Variants in TMEM135 observed in about 807,000 individuals in gnomAD.
TMEM135 encodes the protein peroxisomal membrane protein 52.
Under a neutral mutation model 60.3 loss-of-function variants are expected in TMEM135, and 30 were observed. That is an observed-to-expected ratio of 0.50 (90% CI 0.37 to 0.68). TMEM135 has a LOEUF of 0.68. Ranked by LOEUF, TMEM135 falls within the 30% of genes least tolerant of loss-of-function variation. TMEM135 has a pLI of 0.00. For missense variants in TMEM135, 468 were observed against 548.8 expected, an observed-to-expected ratio of 0.85 and a Z score of 1.47; for synonymous variants, 190 against 186.7, an observed-to-expected ratio of 1.02 and a Z score of -0.14.
intron 4 of TMEM135, among the ~76,000 whole-genome samples, chr11:87,133,539 T>G (rs899284492): frequency 2.6e-5 from 4 of 152,228 alleles, no homozygotes; most frequent in African/African-American, 7.2e-5. Flanking sequence ...AAAACCAGTT[T>G]ATTGAGGTAT....
In TMEM135 at chr11:87,241,587, T is replaced by G. The variant is rs573582180; in HGVS notation, c.509+4903T>G. Among the ~76,000 whole-genome samples the G allele has an allele frequency of 4.6e-5, 7 of 152,224 alleles. No homozygotes were observed. In the South Asian group the frequency reaches 8.3e-4, roughly 18 times the overall value. ...GTAGTCACCCTGTTGTGCTATCAAATAGTAGTTCTTATTCTTTGTATCTAA... is the reference window on the plus strand; with the variant it reads ...GTAGTCACCCTGTTGTGCTATCAAAGAGTAGTTCTTATTCTTTGTATCTAA... On this transcript the variant is annotated intron_variant, in intron 6 of 14. Transcript: ENST00000305494.
chr11:87,267,707 T>C (rs1487169200), intron 6 of TMEM135, among the ~76,000 whole-genome samples: 1 of 106,352 alleles, frequency 9.4e-6, no homozygotes, highest in African/African-American at 3.7e-5. Context: ...AGTATTCTTT[T>C]TTTTTGAAAT....
At position 87,324,430 on chromosome 11, in the gene TMEM135, T is replaced by A. The variant is rs1457777106; in HGVS notation, c.*3097T>A. On this transcript the variant is annotated 3_prime_UTR_variant, in exon 15 of 15. Transcript: ENST00000305494. ...TTAAATTCTCCGTGTGATTTATTTTTTTATTTTTTGAGTTGAGGTCTAGCT... is the reference window on the plus strand; with the variant it reads ...TTAAATTCTCCGTGTGATTTATTTTATTATTTTTTGAGTTGAGGTCTAGCT... 1 of 453,964 alleles carries A rather than the reference T, an allele frequency of 2.2e-6. No homozygotes were observed. Among genetic ancestry groups the A allele is most frequent in the Admixed American group, 2.3e-5 (1 of 42,554 alleles). The allele number at this position is 453,964 out of a possible 1,614,324, so 28.1% of individuals were successfully genotyped here.
At chr11:87,293,873 A>G (rs1942307681) in intron 6 of TMEM135, among the ~76,000 whole-genome samples, 1 of 152,182 alleles carries the variant, frequency 6.6e-6, no homozygotes, top group African/African-American at 2.4e-5. Flanking sequence ...TTGGGTATAT[A>G]CCCAGTAATG....
chr11:87,260,964 A>G (rs989186209), intron 6 of TMEM135, among the ~76,000 whole-genome samples: 1 of 152,188 alleles, frequency 6.6e-6, no homozygotes, highest in Non-Finnish European at 1.5e-5. Flanking sequence ...TCCTCGTGTC[A>G]CACTCTGAAT....
At chr11:87,232,188 T>G (rs1482113242) in intron 5 of TMEM135, among the ~76,000 whole-genome samples, 2 of 152,094 alleles carry the variant, frequency 1.3e-5, no homozygotes. Flanking sequence ...TGACCTCAAG[T>G]GATCTGACAA....
intron 4 of TMEM135, among the ~76,000 whole-genome samples, chr11:87,102,728 G>GTA (rs111454491): frequency 2.8e-5 from 4 of 145,392 alleles, no homozygotes; most frequent in African/African-American, 5.0e-5. Context: ...ATATATATAT[G>GTA]TATATATATA....
At chr11:87,157,593 A>G in intron 5 of TMEM135, 187 bp downstream of exon 5, 1 of 533,428 alleles carries the variant, frequency 1.9e-6, no homozygotes, top group Non-Finnish European at 3.3e-6. Flanking sequence ...CAGATCTTAG[A>G]TTGAAAACAA....
chr11:87,156,143 A>G (rs1217452729), intron 4 of TMEM135, among the ~76,000 whole-genome samples: 1 of 152,100 alleles, frequency 6.6e-6, no homozygotes, highest in South Asian at 2.1e-4. Flanking sequence ...CAATAGTCTT[A>G]TTACCCTGGT....
intron 4 of TMEM135, among the ~76,000 whole-genome samples, chr11:87,112,583 A>G (rs1857782135): frequency 6.6e-6 from 1 of 152,136 alleles, no homozygotes; most frequent in Non-Finnish European, 1.5e-5. Flanking sequence ...TTTAATTGCA[A>G]GGTTAAATAT....
chr11:87,138,358 T>A (rs1565457630), intron 4 of TMEM135, among the ~76,000 whole-genome samples: 1 of 152,198 alleles, frequency 6.6e-6, no homozygotes, highest in Non-Finnish European at 1.5e-5. Context: ...CCCAAAGCGC[T>A]GGGATTACAG....
At chr11:87,217,171 A>T (rs1185429142) in intron 5 of TMEM135, among the ~76,000 whole-genome samples, 2 of 152,230 alleles carry the variant, frequency 1.3e-5, no homozygotes, top group African/African-American at 4.8e-5. Flanking sequence ...AAATATTGCT[A>T]TAAATGCATG....
chr11:87,179,289 A>G (rs946359059), intron 5 of TMEM135, among the ~76,000 whole-genome samples: 5 of 152,174 alleles, frequency 3.3e-5, no homozygotes, highest in African/African-American at 7.2e-5. Context: ...TTTATTAAAT[A>G]TAGGATTTGG....
At chr11:87,190,494 A>C (rs1037842112) in intron 5 of TMEM135, among the ~76,000 whole-genome samples, 2 of 152,172 alleles carry the variant, frequency 1.3e-5, no homozygotes, top group Non-Finnish European at 2.9e-5. Flanking sequence ...GAAGTCTTGA[A>C]ATTTCTAAGA....
At chr11:87,053,482 T>A (rs1949861538) in intron 1 of TMEM135, among the ~76,000 whole-genome samples, 1 of 152,088 alleles carries the variant, frequency 6.6e-6, no homozygotes, top group Non-Finnish European at 1.5e-5. Flanking sequence ...CTTACTTAGG[T>A]GGTAGGCAGG....
At chr11:87,303,546 T>C (rs1341949320) in intron 8 of TMEM135, among the ~76,000 whole-genome samples, 2 of 152,238 alleles carry the variant, frequency 1.3e-5, no homozygotes, top group African/African-American at 4.8e-5. Flanking sequence ...CAAGTTCTTA[T>C]CTGTTAACTG....
At chr11:87,069,032 G>C (rs111299786) in intron 2 of TMEM135, among the ~76,000 whole-genome samples, 1 of 140,820 alleles carries the variant, frequency 7.1e-6, no homozygotes, top group South Asian at 2.3e-4. Context: ...GGCCGGGCGC[G>C]GTGGCTCACG....
At chr11:87,161,113 T>C (rs1938865455) in intron 5 of TMEM135, among the ~76,000 whole-genome samples, 1 of 152,164 alleles carries the variant, frequency 6.6e-6, no homozygotes, top group Admixed American at 6.5e-5. Flanking sequence ...TTGGCCAGCA[T>C]GGTCTCCATC....
rs372269404 is a variant in TMEM135, at chr11:87,178,761, T to G, written c.462+21355T>G. 1.9e-4 allele frequency among the ~76,000 whole-genome samples: 29 copies of G among 151,622 alleles called. No individual in the cohort carries two copies. In the East Asian group the frequency reaches 5.2e-3, roughly 27 times the overall value. Reference sequence around the variant, plus strand: ...TTTTGAGGTTCATTCATATCAGTACTTTTTTTTTCCCTTTTCATGACTGAA... The same window carrying G: ...TTTTGAGGTTCATTCATATCAGTACGTTTTTTTTCCCTTTTCATGACTGAA... On this transcript the variant is annotated intron_variant, in intron 5 of 14. Coordinates refer to ENST00000305494, the MANE Select transcript of TMEM135 (RefSeq NM_022918.4).
Sources: allele counts gnomAD v4.1 joint callset (sites outside exome capture counted in the v4.1 genomes callset), GRCh38; gene constraint gnomAD v4.1.1; transcripts MANE v1.5; gene names NCBI Gene and HGNC (gene_info 2026-07-23, HGNC 2026-07-21).